SF3A1: variants seen among roughly 807,000 people sequenced by gnomAD.
SF3A1 encodes the protein SAP 114.
In SF3A1, 13 loss-of-function variants were observed where a neutral mutation model predicts 89.9. The ratio of observed to expected loss-of-function variants is 0.14; its 90% confidence interval spans 0.09 to 0.23. The LOEUF (loss-of-function observed/expected upper bound fraction) is 0.23, where lower values mean the gene tolerates loss of function less well. Ranked by LOEUF, SF3A1 falls within the 10% of genes least tolerant of loss-of-function variation. SF3A1 has a pLI of 1.00. For missense variants in SF3A1, 604 were observed against 1,022.1 expected (o/e 0.59, Z 5.58); for synonymous variants, 405 against 374.4 (o/e 1.08, Z -0.94).
chr22:30,340,991 T>C (rs549662496), intron 7 of SF3A1, among the ~76,000 whole-genome samples, 179 bp from the exon 8 acceptor site: 1 of 151,736 alleles, frequency 6.6e-6, no homozygotes, highest in East Asian at 2.0e-4. Context: ...CCTCACAGCA[T>C]GAATGGGAGT....
chr22:30,339,688 G>A (rs1047989384), intron 9 of SF3A1, among the ~76,000 whole-genome samples: 45 of 152,168 alleles, frequency 3.0e-4, no homozygotes, highest in Non-Finnish European at 7.3e-5. Context: ...CGTGAGAGGC[G>A]GAAGTTGCAG....
chr22:30,352,337 C>G (rs1931625185), intron 2 of SF3A1, among the ~76,000 whole-genome samples: 1 of 150,578 alleles, frequency 6.6e-6, no homozygotes, highest in Non-Finnish European at 1.5e-5. Context: ...CAGCTAGCAC[C>G]TGCACAGAAC....
intron 12 of SF3A1, 96 bp from the exon 13 acceptor site, chr22:30,337,276 C>T (rs1931098425): frequency 8.2e-7 from 1 of 1,225,934 alleles, no homozygotes; most frequent in South Asian, 1.5e-5. Flanking sequence ...CAAAGGTTTC[C>T]TCTAGTCAGA....
At chr22:30,335,322 C>G in intron 15 of SF3A1, 145 bp downstream of exon 15, 1 of 733,950 alleles carries the variant, frequency 1.4e-6, no homozygotes. Context: ...ACACTCCCAG[C>G]CAGCATCATG....
intron 2 of SF3A1, among the ~76,000 whole-genome samples, chr22:30,347,278 C>T (rs1357898049): frequency 1.3e-5 from 2 of 152,150 alleles, no homozygotes; most frequent in African/African-American, 2.4e-5. Context: ...GCCTGGAAAA[C>T]AGAGCAAGAC....
intron 15 of SF3A1, 74 bp downstream of exon 15, chr22:30,335,393 C>G: frequency 7.8e-7 from 1 of 1,286,902 alleles, no homozygotes. Flanking sequence ...TTTTAGCTTC[C>G]ATGACAGATT....
In SF3A1 at chr22:30,342,869, G is replaced by A; in HGVS notation, c.662C>T (p.Pro221Leu). The A allele has an allele frequency of 6.2e-7, 1 of 1,611,002 alleles. No homozygotes were observed. The highest frequency in any genetic ancestry group is 8.5e-7 in the Non-Finnish European group (1 of 1,177,814). ...LVEQYTKILI[P>L]PKGLFSKLKK... is the part of the protein sequence containing the mutation. ...GAGCTTTGAAAATAAACCTTTGGGTGGAATCAAGATCTGAAATACAGAAGA... is the reference window on the plus strand; with the variant it reads ...GAGCTTTGAAAATAAACCTTTGGGTAGAATCAAGATCTGAAATACAGAAGA... The change falls in exon 5 of 16, where the codon CCA becomes CTA. Residue 221 changes from proline (P) to leucine (L), a missense_variant. Pro to Leu is a moderately conservative substitution (Grantham distance 98, BLOSUM62 -3). This residue lies in a region of SF3A1 where 162 missense variants were observed against 229.2 expected (regional missense o/e 0.71). Transcript: ENST00000215793.
At position 30,341,543 on chromosome 22, in the gene SF3A1, C is replaced by A; in HGVS notation, c.1071+149G>T. ...GGAGCTGGAAAGAGGCTCTGTGCTG[C>A]CTGGACTTGGGCAGCTGTATGGCCT... On this transcript the variant is annotated intron_variant, in intron 7 of 15. Transcript: ENST00000215793. 3 of 436,042 alleles carry A rather than the reference C, an allele frequency of 6.9e-6. 1 individual carries two copies. The highest frequency in any genetic ancestry group is 1.3e-5 in the Non-Finnish European group (3 of 230,710). The allele number at this position is 436,042 out of a possible 1,614,324, so 27.0% of individuals were successfully genotyped here.
intron 13 of SF3A1, 131 bp from the exon 14 acceptor site, chr22:30,335,884 CACT>C (rs1931050421): frequency 1.4e-6 from 1 of 736,116 alleles, no homozygotes; most frequent in Admixed American, 2.1e-5. Flanking sequence ...CCTGATTCAC[CACT>C]GATAACCCCT....
intron 5 of SF3A1, 150 bp from the exon 6 acceptor site, chr22:30,342,500 AC>A: frequency 1.2e-6 from 1 of 851,200 alleles, no homozygotes; most frequent in Non-Finnish European, 1.8e-6. Flanking sequence ...ACCTGGTTCC[AC>A]CCAGGTGCAG....
intron 13 of SF3A1, 104 bp downstream of exon 13, chr22:30,336,922 A>C (rs1440899603): frequency 7.2e-7 from 1 of 1,382,916 alleles, no homozygotes; most frequent in African/African-American, 1.4e-5. Context: ...TAGGCCCCAG[A>C]AGCCAAGACT....
chr22:30,342,630 G>T (rs1931295878), intron 5 of SF3A1, 175 bp downstream of exon 5: 1 of 627,200 alleles, frequency 1.6e-6, no homozygotes, highest in South Asian at 2.0e-5. Flanking sequence ...GAAAGTTGTG[G>T]TATGTTGGGA....
rs1162688299 is a variant in SF3A1 at position 30,337,109 on chromosome 22, G to A, written c.2023C>T (p.Pro675Ser). ...APMPPVHPPP[P>S]MEDEPTSKKL... ...TTGGAGGTGGGCTCATCTTCCATGG[G>A]AGGTGGGGGATGCACAGGGGGCATT... Residue 675 changes from proline to serine, a missense_variant, in exon 13 of 16, where the codon CCC becomes TCC. This residue lies in a region of SF3A1 where 45 missense variants were observed against 41.1 expected (regional missense o/e 1.09). Transcript: ENST00000215793. 6.2e-7 allele frequency: 1 copy of A among 1,614,022 alleles called. No homozygotes were observed. Among genetic ancestry groups the A allele is most frequent in the Non-Finnish European group, 8.5e-7 (1 of 1,180,002 alleles).
chr22:30,346,447 G>C lies in SF3A1; in HGVS notation c.258C>G (p.Pro86=), dbSNP rs1931423309. 1 of 1,614,080 alleles carries C rather than the reference G, an allele frequency of 6.2e-7. No individual in the cohort carries two copies. The highest frequency in any genetic ancestry group is 2.2e-5 in the East Asian group (1 of 44,878). ...GGTAGTAGGCATGGTAAGGGTCATT[G>C]GGGTTCAGAAAGTTGAACTTGGGGT... is the stretch of plus-strand genomic sequence containing the variant. ...INNPKFNFLN[P]NDPYHAYYRH... The change falls in exon 3 of 16, where the codon CCC becomes CCG. Residue 86 remains proline, a synonymous_variant. Coordinates refer to ENST00000215793, the MANE Select transcript of SF3A1 (RefSeq NM_005877.6).
chr22:30,340,147 G>A (rs1931202755), intron 9 of SF3A1, 49 bp downstream of exon 9: 1 of 1,394,506 alleles, frequency 7.2e-7, no homozygotes, highest in African/African-American at 1.5e-5. Flanking sequence ...AGAAGAAGAT[G>A]GCTGTAATTC....
intron 2 of SF3A1, 91 bp downstream of exon 2, chr22:30,352,860 C>T: frequency 6.6e-7 from 1 of 1,506,144 alleles, no homozygotes; most frequent in Non-Finnish European, 9.0e-7. Flanking sequence ...CCCAAGCCAA[C>T]AACGTCTCTT....
chr22:30,337,258 G>T, intron 12 of SF3A1, 78 bp from the exon 13 acceptor site: 1 of 1,376,084 alleles, frequency 7.3e-7, no homozygotes, highest in Non-Finnish European at 9.9e-7. Context: ...AGTTGAGAGG[G>T]AAGGTTGCAA....
At position 30,340,749 on chromosome 22, in the gene SF3A1, G is replaced by C; in HGVS notation, c.1135C>G (p.Pro379Ala). The C allele has an allele frequency of 6.2e-7, 1 of 1,606,580 alleles. No homozygotes were observed. The highest frequency in any genetic ancestry group is 8.5e-7 in the Non-Finnish European group (1 of 1,176,488). Reference protein sequence around the residue: ...PPPPETPMPPPLPPTPDQVIV... With the variant: ...PPPPETPMPPALPPTPDQVIV... ...ACTTGGTCTGGAGTTGGGGGCAGAG[G>C]TGGAGGCATGGGTGTCTCTGGGGGT... The change falls in exon 8 of 16, where the codon CCT (proline) becomes GCT (alanine). Residue 379 changes from proline to alanine, a missense_variant. Physicochemically the swap from Pro to Ala is conservative, Grantham distance 27. This residue lies in a region of SF3A1 where 146 missense variants were observed against 228.5 expected (regional missense o/e 0.64). Coordinates refer to ENST00000215793, the MANE Select transcript of SF3A1 (RefSeq NM_005877.6).
At chr22:30,337,212 AGGGCAGAAG>A in intron 12 of SF3A1, 32 bp from the exon 13 acceptor site, 1 of 1,573,248 alleles carries the variant, frequency 6.4e-7, no homozygotes, top group Non-Finnish European at 8.6e-7. Flanking sequence ...GCCCCATGAG[AGGGCAGAAG>A]GGGCCCAGGA....
Sources: gnomAD v4.1 joint callset for allele counts (sites outside exome capture counted in the v4.1 genomes callset) on GRCh38, gnomAD v4.1.1 for gene constraint, gnomAD v4.1.1 regional missense constraint, MANE v1.5 for transcripts, NCBI Gene and HGNC (gene_info 2026-07-23, HGNC 2026-07-21) for gene names.